The following FRMPD4 variants were observed in gnomAD, a reference collection of about 807,000 sequenced individuals.
The protein encoded by FRMPD4 is FERM and PDZ domain-containing protein 4.
In FRMPD4, 22 loss-of-function variants were observed where a neutral mutation model predicts 94.1. The ratio of observed to expected loss-of-function variants is 0.23; its 90% confidence interval spans 0.17 to 0.33. FRMPD4 has a LOEUF of 0.33. Among genes scored for constraint, FRMPD4 ranks in the 10% least tolerant of loss-of-function variants. The probability of loss-of-function intolerance (pLI) is 1.00; values close to 1 mark genes in which losing one functional copy is unlikely to be tolerated. For synonymous variants in FRMPD4, 631 were observed against 548.6 expected, an observed-to-expected ratio of 1.15 and a Z score of -2.10; for missense variants, 1,111 against 1,339.9, an observed-to-expected ratio of 0.83 and a Z score of 2.67.
At chrX:11,974,210 G>C (rs1003117157) in intron 3 of FRMPD4, among the ~76,000 whole-genome samples, 1 of 111,204 alleles carries the variant, frequency 9.0e-6, no homozygotes, top group Non-Finnish European at 1.9e-5. Context: ...CTGATGGGAG[G>C]TGTTTGGGTC....
At chrX:12,526,174 G>C (rs748111011) in intron 2 of FRMPD4, among the ~76,000 whole-genome samples, 1 of 112,403 alleles carries the variant, frequency 8.9e-6, no homozygotes, top group South Asian at 3.7e-4. Flanking sequence ...CAAGCGTATA[G>C]CCATCTGCAG....
At chrX:12,271,777 A>G (rs1394088714) in intron 1 of FRMPD4, among the ~76,000 whole-genome samples, 1 of 112,111 alleles carries the variant, frequency 8.9e-6, no homozygotes, top group African/African-American at 3.2e-5. Flanking sequence ...TTTTGTCATT[A>G]ATGAGTTCCT....
chrX:12,468,799 T>A (rs1038739964), intron 1 of FRMPD4, among the ~76,000 whole-genome samples: 33 of 111,753 alleles, frequency 3.0e-4, no homozygotes, highest in African/African-American at 1.0e-3. Flanking sequence ...CACACAGAAA[T>A]TTTTGGAGAG....
At chrX:11,855,306 G>T (rs1475100032) in intron 1 of FRMPD4, among the ~76,000 whole-genome samples, 1 of 111,628 alleles carries the variant, frequency 9.0e-6, no homozygotes, top group African/African-American at 3.3e-5. Context: ...GGGAGGGGCT[G>T]CCACAAAGGT....
At chrX:12,655,721 G>A (rs777860098) in intron 4 of FRMPD4, among the ~76,000 whole-genome samples, 2 of 112,107 alleles carry the variant, frequency 1.8e-5, no homozygotes, top group East Asian at 5.6e-4. Flanking sequence ...CATCCTTGAA[G>A]ATAAAGACAA....
chrX:11,988,403 A>C (rs1014581794), intron 3 of FRMPD4, among the ~76,000 whole-genome samples: 5 of 112,216 alleles, frequency 4.5e-5, no homozygotes, highest in African/African-American at 1.6e-4. Flanking sequence ...GAATGAAACT[A>C]TACTGCTATC....
At chrX:11,997,506 C>G (rs772788917) in intron 3 of FRMPD4, among the ~76,000 whole-genome samples, 7 of 111,293 alleles carry the variant, frequency 6.3e-5, no homozygotes, top group Admixed American at 4.8e-4. Context: ...GCTTATAAGT[C>G]TTTGGGCTGG....
At chrX:12,667,868 T>C (rs1220004338) in intron 4 of FRMPD4, among the ~76,000 whole-genome samples, 1 of 112,162 alleles carries the variant, frequency 8.9e-6, no homozygotes, top group African/African-American at 3.2e-5. Flanking sequence ...GGATAGACTA[T>C]ATTCCCCTGC....
intron 3 of FRMPD4, among the ~76,000 whole-genome samples, chrX:12,029,036 A>C (rs1388215632): frequency 8.9e-6 from 1 of 112,287 alleles, no homozygotes. Flanking sequence ...GAGTATGTTT[A>C]GTTTCATAAG....
At chrX:11,974,752 G>T (rs1183434057) in intron 3 of FRMPD4, among the ~76,000 whole-genome samples, 2 of 111,823 alleles carry the variant, frequency 1.8e-5, no homozygotes. Flanking sequence ...GAAATCTGAA[G>T]TTATTATGAA....
chrX:12,098,636 C>T (rs1318164844), intron 3 of FRMPD4, among the ~76,000 whole-genome samples: 1 of 111,610 alleles, frequency 9.0e-6, no homozygotes, highest in Non-Finnish European at 1.9e-5. Context: ...GCAATTTTGC[C>T]CCCAAAGAAA....
chrX:12,321,450 A>G (rs768647336), intron 1 of FRMPD4, among the ~76,000 whole-genome samples: 1 of 112,171 alleles, frequency 8.9e-6, no homozygotes, highest in East Asian at 2.8e-4. Context: ...TATTCAATAA[A>G]TTACATGAGA....
At chrX:11,863,001 T>C (rs2053697325) in intron 1 of FRMPD4, among the ~76,000 whole-genome samples, 1 of 105,455 alleles carries the variant, frequency 9.5e-6, no homozygotes, top group Admixed American at 1.0e-4. Context: ...TCTCTCTCTT[T>C]TTTTTTATTA....
intron 1 of FRMPD4, among the ~76,000 whole-genome samples, chrX:12,171,926 G>A (rs1303730421): frequency 1.8e-5 from 2 of 110,666 alleles, no homozygotes; most frequent in Non-Finnish European, 3.8e-5. Context: ...CTTGGCTCCT[G>A]GTCATACCAC....
chrX:12,228,705 T>A (rs1240003261), intron 1 of FRMPD4, among the ~76,000 whole-genome samples: 1 of 112,563 alleles, frequency 8.9e-6, no homozygotes, highest in Non-Finnish European at 1.9e-5. Context: ...CAGCCCTTAT[T>A]GAGAATAAAT....
chrX:12,573,413 A>G (rs111722273), intron 2 of FRMPD4, among the ~76,000 whole-genome samples: 101 of 112,571 alleles, frequency 9.0e-4, no homozygotes, highest in African/African-American at 3.2e-3. Flanking sequence ...GACCAGACCT[A>G]TGTAGAAGGA....
intron 5 of FRMPD4, among the ~76,000 whole-genome samples, chrX:12,676,322 T>C (rs1337930581): frequency 1.8e-5 from 2 of 112,582 alleles, no homozygotes; most frequent in Non-Finnish European, 3.7e-5. Flanking sequence ...CAAATTGTCA[T>C]TTTCACTTAC....
rs190321863 is a variant in FRMPD4, at chrX:12,704,754, G to A, written c.1197+269G>A. ...ATGTGCCCATCCAGGAAAAGTTTGC[G>A]TAGCCTCTGAGACCTTGTGGATAGA... On this transcript the variant is annotated intron_variant, in intron 11 of 16. Coordinates refer to ENST00000675598, the MANE Select transcript of FRMPD4 (RefSeq NM_001368397.1). 7.3e-3 allele frequency among the ~76,000 whole-genome samples: 817 copies of A among 112,339 alleles called. 8 individuals carry two copies. The highest frequency in any genetic ancestry group is 0.023 in the African/African-American group (713 of 30,955).
At chrX:12,030,129 T>C (rs1311708933) in intron 3 of FRMPD4, among the ~76,000 whole-genome samples, 1 of 112,239 alleles carries the variant, frequency 8.9e-6, no homozygotes, top group Non-Finnish European at 1.9e-5. Flanking sequence ...GTCTAACTTA[T>C]AGAATCATAA....
Sources: allele counts gnomAD v4.1 joint callset (sites outside exome capture counted in the v4.1 genomes callset), GRCh38; gene constraint gnomAD v4.1.1; transcripts MANE v1.5; gene names NCBI Gene and HGNC (gene_info 2026-07-23, HGNC 2026-07-21).